TRHDE: variants seen among roughly 807,000 people sequenced by gnomAD.
TRHDE encodes thyrotropin-releasing hormone-degrading ectoenzyme.
In TRHDE, 72 loss-of-function variants were observed where a neutral mutation model predicts 125.7. The ratio of observed to expected loss-of-function variants is 0.57; its 90% confidence interval spans 0.47 to 0.70. The LOEUF is 0.70. Among genes scored for constraint, TRHDE ranks in the 30% least tolerant of loss-of-function variants. The probability of loss-of-function intolerance (pLI) is 0.00; values close to 1 mark genes in which losing one functional copy is unlikely to be tolerated. For missense variants in TRHDE, 1,110 were observed against 1,327.1 expected, an observed-to-expected ratio of 0.84 and a Z score of 2.54; for synonymous variants, 509 against 509.1, an observed-to-expected ratio of 1.00 and a Z score of 0.00.
At chr12:72,130,325 TA>T (rs1233472059) in intron 2 of TRHDE, among the ~76,000 whole-genome samples, 1 of 152,150 alleles carries the variant, frequency 6.6e-6, no homozygotes. Flanking sequence ...GGTTACTCTA[TA>T]AATTCAATGC....
intron 3 of TRHDE, among the ~76,000 whole-genome samples, chr12:72,450,819 T>C (rs953115256): frequency 1.3e-5 from 2 of 152,094 alleles, no homozygotes; most frequent in Non-Finnish European, 2.9e-5. Context: ...GTATCTTTTG[T>C]TTTTTCTGTA....
At chr12:72,265,163 C>G (rs1289539865) in intron 2 of TRHDE, among the ~76,000 whole-genome samples, 1 of 150,744 alleles carries the variant, frequency 6.6e-6, no homozygotes, top group Non-Finnish European at 1.5e-5. Context: ...CTTTATAATA[C>G]AAAGCATACT....
chr12:72,587,578 CAGAA>C (rs1434872865), intron 12 of TRHDE, among the ~76,000 whole-genome samples: 2 of 151,628 alleles, frequency 1.3e-5, no homozygotes, highest in African/African-American at 4.8e-5. Context: ...TATTTAGCCT[CAGAA>C]AGACATCTTT....
At chr12:72,154,910 C>A (rs1463362646) in intron 2 of TRHDE, among the ~76,000 whole-genome samples, 1 of 152,064 alleles carries the variant, frequency 6.6e-6, no homozygotes, top group Admixed American at 6.5e-5. Flanking sequence ...TTGTGGCATT[C>A]TCTGTACTTC....
At chr12:72,129,449 A>G (rs571030884) in intron 2 of TRHDE, among the ~76,000 whole-genome samples, 174 of 152,334 alleles carry the variant, frequency 1.1e-3, no homozygotes, top group Non-Finnish European at 1.5e-3. Flanking sequence ...AACCTTCCTA[A>G]CACTCTGTAA....
chr12:72,166,037 A>G (rs1353781747), intron 2 of TRHDE, among the ~76,000 whole-genome samples: 1 of 152,078 alleles, frequency 6.6e-6, no homozygotes, highest in Non-Finnish European at 1.5e-5. Flanking sequence ...CTTACCTTAT[A>G]CAAACCTAGA....
At chr12:72,345,314 T>C (rs1037772723) in intron 2 of TRHDE, among the ~76,000 whole-genome samples, 5 of 152,124 alleles carry the variant, frequency 3.3e-5, no homozygotes, top group African/African-American at 1.2e-4. Context: ...TGCTGATTTA[T>C]ATGGTGTATA....
At chr12:72,387,986 T>G (rs1336739449) in intron 3 of TRHDE, among the ~76,000 whole-genome samples, 1 of 152,090 alleles carries the variant, frequency 6.6e-6, no homozygotes, top group Non-Finnish European at 1.5e-5. Flanking sequence ...AAATGATTCT[T>G]TCCTTGGCTT....
chr12:72,546,839 G>T (rs1377003043), intron 7 of TRHDE, among the ~76,000 whole-genome samples: 2 of 151,644 alleles, frequency 1.3e-5, no homozygotes, highest in African/African-American at 2.4e-5. Context: ...ACACCTGAAA[G>T]CCACTGGTAA....
At chr12:72,523,665 G>C (rs933294869) in intron 6 of TRHDE, among the ~76,000 whole-genome samples, 1 of 152,052 alleles carries the variant, frequency 6.6e-6, no homozygotes, top group African/African-American at 2.4e-5. Flanking sequence ...TTAGCTTAAT[G>C]GCATTACACA....
intron 2 of TRHDE, among the ~76,000 whole-genome samples, chr12:72,340,832 A>T (rs1049042777): frequency 1.1e-4 from 17 of 152,126 alleles, no homozygotes; most frequent in Non-Finnish European, 2.4e-4. Flanking sequence ...TGTAAGCTTT[A>T]TTATAAAGGA....
At chr12:72,564,398 A>G (rs1870331922) in intron 9 of TRHDE, among the ~76,000 whole-genome samples, 2 of 152,168 alleles carry the variant, frequency 1.3e-5, no homozygotes, top group Non-Finnish European at 2.9e-5. Flanking sequence ...TGGCCAAGTT[A>G]GAGAGATTCG....
chr12:72,536,955 C>G (rs962844955), intron 6 of TRHDE, among the ~76,000 whole-genome samples: 1 of 151,984 alleles, frequency 6.6e-6, no homozygotes, highest in Non-Finnish European at 1.5e-5. Flanking sequence ...TAAGTTCTTG[C>G]TATACCCCAT....
chr12:72,453,820 C>G (rs889074289), intron 3 of TRHDE, among the ~76,000 whole-genome samples: 6 of 152,184 alleles, frequency 3.9e-5, no homozygotes, highest in African/African-American at 9.6e-5. Context: ...GGGTACAGCT[C>G]AGACCACTGA....
intron 2 of TRHDE, among the ~76,000 whole-genome samples, chr12:72,229,353 T>C (rs1878202576): frequency 6.6e-6 from 1 of 152,102 alleles, no homozygotes; most frequent in Non-Finnish European, 1.5e-5. Context: ...CCATCAGATC[T>C]CATGAGACTT....
At chr12:72,151,572 A>G (rs1254790808) in intron 2 of TRHDE, among the ~76,000 whole-genome samples, 7 of 151,784 alleles carry the variant, frequency 4.6e-5, no homozygotes, top group East Asian at 1.9e-4. Context: ...TAATTTTTGT[A>G]TAAGGTGTAA....
chr12:72,632,264 T>A (rs557439657), intron 15 of TRHDE, among the ~76,000 whole-genome samples: 1 of 152,094 alleles, frequency 6.6e-6, no homozygotes, highest in East Asian at 1.9e-4. Context: ...ACAACACCAT[T>A]AATTTTTGTT....
chr12:72,391,205 G>C (rs1035637025), intron 3 of TRHDE, among the ~76,000 whole-genome samples: 4 of 152,022 alleles, frequency 2.6e-5, no homozygotes, highest in Admixed American at 1.3e-4. Context: ...TGTACTCCTG[G>C]CCCACCTTTT....
At chr12:72,581,781 G>T (rs1360128213) in intron 12 of TRHDE, among the ~76,000 whole-genome samples, 1 of 152,042 alleles carries the variant, frequency 6.6e-6, no homozygotes, top group Non-Finnish European at 1.5e-5. Flanking sequence ...AAGGACCTGT[G>T]TCTAGAGATT....
Sources: gnomAD v4.1 joint callset for allele counts (sites outside exome capture counted in the v4.1 genomes callset) on GRCh38, gnomAD v4.1.1 for gene constraint, MANE v1.5 for transcripts, NCBI Gene and HGNC (gene_info 2026-07-23, HGNC 2026-07-21) for gene names.